FLVCR2: variants seen among roughly 807,000 people sequenced by gnomAD.
FLVCR2 encodes the protein choline/ethanolamine transporter FLVCR2.
Under a neutral mutation model 48.9 loss-of-function variants are expected in FLVCR2, and 38 were observed. The ratio of observed to expected loss-of-function variants is 0.78; its 90% CI spans 0.60 to 1.02. FLVCR2 has a LOEUF of 1.02. Among genes scored for constraint, FLVCR2 ranks in the 50% least tolerant of loss-of-function variants. FLVCR2 has a pLI of 0.00. For missense variants in FLVCR2, 664 were observed against 663.3 expected (o/e 1.00, Z -0.01); for synonymous variants, 255 against 257.0 (o/e 0.99, Z 0.07).
At position 75,579,247 on chromosome 14, in the gene FLVCR2, G is replaced by A. The variant is rs766229026; in HGVS notation, c.275G>A (p.Ser92Asn). Residue 92 changes from serine to asparagine, a missense_variant, in exon 1 of 10, where the codon AGC becomes AAC. By Grantham distance (46) the Ser-to-Asn change is conservative (BLOSUM62 1). Coordinates refer to ENST00000238667, the MANE Select transcript of FLVCR2 (RefSeq NM_017791.3). ...CGTTGGGCCGTGGTCCTGGTGTTTAGCTGCTACTCCATGTGCAACTCCTTT... is the reference window on the plus strand; with the variant it reads ...CGTTGGGCCGTGGTCCTGGTGTTTAACTGCTACTCCATGTGCAACTCCTTT... ...RRRWAVVLVF[S>N]CYSMCNSFQW... The A allele has an allele frequency of 1.2e-6, 2 of 1,614,214 alleles. No individual in the cohort carries two copies. The highest frequency in any genetic ancestry group is 1.7e-6 in the Non-Finnish European group (2 of 1,180,052).
chr14:75,643,018 T>C (rs10130098), intron 9 of FLVCR2, among the ~76,000 whole-genome samples: 4,696 of 152,254 alleles, frequency 0.031, 85 homozygotes, highest in African/African-American at 0.044. Flanking sequence ...CACGCCACTA[T>C]GCCTAGCTAA....
intron 1 of FLVCR2, among the ~76,000 whole-genome samples, chr14:75,581,544 A>T (rs1330479386): frequency 6.6e-6 from 1 of 152,166 alleles, no homozygotes; most frequent in Non-Finnish European, 1.5e-5. Context: ...CTGGTCCGTT[A>T]TTGGACTGTA....
At position 75,596,163 on chromosome 14, in the gene FLVCR2, T is replaced by C. The variant is rs554907803; in HGVS notation, c.669+16522T>C. 767 of 780,194 alleles carry C rather than the reference T, an allele frequency of 9.8e-4. 4 individuals are homozygous for C. Among genetic ancestry groups the C allele is most frequent in the Middle Eastern group, 9.4e-3 (26 of 2,776 alleles). 48.3% of individuals were successfully genotyped at this position (780,194 alleles called of 1,614,324 possible). ...TGTTTGTTTCCTCTGAAGTCGTCGG[T>C]TGATCATGAACTTTCTAGTGTGGAT... On this transcript the variant is annotated intron_variant, in intron 1 of 9. Coordinates refer to ENST00000238667, the MANE Select transcript of FLVCR2 (RefSeq NM_017791.3).
At position 75,583,955 on chromosome 14, in the gene FLVCR2, C is replaced by T. The variant is rs145880060; in HGVS notation, c.669+4314C>T. On this transcript the variant is annotated intron_variant, in intron 1 of 9. Transcript: ENST00000238667. ...CAGCGTCAGTCTTCAGCTGCTAAGC[C>T]GAGGAGATCTGGGAAGGAGTTGGCC... Among the ~76,000 whole-genome samples, 107 of 152,256 alleles carry T rather than the reference C, an allele frequency of 7.0e-4. 2 individuals carry two copies. In the East Asian group the frequency reaches 0.018, roughly 26 times the overall value.
rs374220271 is a variant in FLVCR2 at position 75,627,152 on chromosome 14, C to T, written c.952+2400C>T. 2.0e-5 allele frequency among the ~76,000 whole-genome samples: 3 copies of T among 152,072 alleles called. No homozygotes were observed. In the East Asian group the frequency reaches 5.8e-4, roughly 29 times the overall value. ...ACTCCTCCTCCTTCCTCTCACATGC[C>T]TGTTTGCTTACGTGGTCTTTAATCT... On this transcript the variant is annotated intron_variant, in intron 3 of 9. Coordinates refer to ENST00000238667, the MANE Select transcript of FLVCR2 (RefSeq NM_017791.3).
chr14:75,613,861 C>T (rs1889532468), intron 1 of FLVCR2, among the ~76,000 whole-genome samples: 1 of 152,142 alleles, frequency 6.6e-6, no homozygotes, highest in Non-Finnish European at 1.5e-5. Flanking sequence ...TCAACATGAG[C>T]TTTAGAGGGG....
chr14:75,624,731 G>A lies in FLVCR2; in HGVS notation c.931G>A (p.Val311Met), dbSNP rs1180750598. 1.9e-5 allele frequency: 30 copies of A among 1,613,966 alleles called. No individual in the cohort carries two copies. Among genetic ancestry groups the A allele is most frequent in the Non-Finnish European group, 2.5e-5 (30 of 1,180,024 alleles). ...IARLFKNLNF[V>M]LLVITYGLNA... ...CCGGCTCTTCAAAAATCTCAACTTT[G>A]TGCTGCTTGTCATCACCTATGGTAA... The change falls in exon 3 of 10, where the codon GTG (valine) becomes ATG (methionine). Residue 311 changes from valine to methionine, a missense_variant. Transcript: ENST00000238667.
At chr14:75,633,807 G>C (rs2140048038) in intron 4 of FLVCR2, 111 bp downstream of exon 4, 1 of 848,936 alleles carries the variant, frequency 1.2e-6, no homozygotes, top group Non-Finnish European at 2.0e-6. Flanking sequence ...TTCTAGGTAG[G>C]GTGATATGGT....
chr14:75,581,302 A>G (rs1234325195), intron 1 of FLVCR2, among the ~76,000 whole-genome samples: 1 of 152,246 alleles, frequency 6.6e-6, no homozygotes, highest in African/African-American at 2.4e-5. Flanking sequence ...GAGAGTGTCC[A>G]AAGGGGTCCA....
rs540736502 is a variant in FLVCR2 at position 75,621,088 on chromosome 14, T to G, written c.670-991T>G. Among the ~76,000 whole-genome samples the G allele has an allele frequency of 2.4e-4, 37 of 152,334 alleles. No individual in the cohort carries two copies. In the South Asian group the frequency reaches 7.2e-3, roughly 30 times the overall value. On this transcript the variant is annotated intron_variant, in intron 1 of 9. Transcript: ENST00000238667. The stretch of plus-strand genomic sequence containing the variant: ...AGTCAGTACTGAAGCCAAGCCTTTC[T>G]GACCTCGGAAACACCCAAGTCATGT...
chr14:75,611,209 C>T (rs1889435953), intron 1 of FLVCR2, among the ~76,000 whole-genome samples: 1 of 152,094 alleles, frequency 6.6e-6, no homozygotes, highest in African/African-American at 2.4e-5. Flanking sequence ...TAGCTGGAGA[C>T]ACCTCTCACC....
intron 3 of FLVCR2, among the ~76,000 whole-genome samples, chr14:75,630,546 G>A (rs530822899): frequency 6.5e-4 from 99 of 152,188 alleles, no homozygotes; most frequent in African/African-American, 2.3e-3. Context: ...AGTAGTCACC[G>A]GAACACAGTT....
intron 1 of FLVCR2, among the ~76,000 whole-genome samples, chr14:75,611,501 C>T (rs895974828): frequency 2.0e-5 from 3 of 152,028 alleles, no homozygotes; most frequent in Non-Finnish European, 2.9e-5. Flanking sequence ...TTTGGGAGGC[C>T]GAGGCAGGTG....
At chr14:75,632,377 G>C (rs1042429803) in intron 3 of FLVCR2, among the ~76,000 whole-genome samples, 28 of 152,050 alleles carry the variant, frequency 1.8e-4, no homozygotes, top group African/African-American at 6.8e-4. Flanking sequence ...TGGACAGAGA[G>C]ACCTATTCAT....
chr14:75,596,377 G>C (rs2140013337), intron 1 of FLVCR2, among the ~76,000 whole-genome samples: 1 of 152,256 alleles, frequency 6.6e-6, no homozygotes, highest in Middle Eastern at 3.4e-3. Flanking sequence ...ATGGTTATGG[G>C]GGCCAGCCAG....
At chr14:75,634,879 C>G (rs201575923) in intron 4 of FLVCR2, 31 bp from the exon 5 acceptor site, 2 of 1,490,078 alleles carry the variant, frequency 1.3e-6, no homozygotes, top group Non-Finnish European at 1.9e-6. Context: ...GTCCCATCGC[C>G]GGGTGATCTT....
intron 1 of FLVCR2, among the ~76,000 whole-genome samples, chr14:75,612,836 C>T (rs1245910012): frequency 2.6e-5 from 4 of 152,210 alleles, no homozygotes; most frequent in Non-Finnish European, 4.4e-5. Context: ...AGGTAGCTTG[C>T]CTGGCAGAGT....
In FLVCR2 at chr14:75,624,663, A is replaced by G. The variant is rs779372723; in HGVS notation, c.863A>G (p.Tyr288Cys). The G allele has an allele frequency of 6.2e-7, 1 of 1,614,134 alleles. No individual in the cohort carries two copies. Among genetic ancestry groups the G allele is most frequent in the Non-Finnish European group, 8.5e-7 (1 of 1,180,028 alleles). ...YPPSRAQSLS[Y>C]ALTSPDASYL... ...CCCAGCAGGGCCCAATCCCTGAGCT[A>G]TGCCTTGACCTCTCCTGATGCCTCA... Residue 288 changes from tyrosine to cysteine, a missense_variant, in exon 3 of 10, where the codon TAT becomes TGT. Coordinates refer to ENST00000238667, the MANE Select transcript of FLVCR2 (RefSeq NM_017791.3).
intron 5 of FLVCR2, 83 bp from the exon 6 acceptor site, chr14:75,639,268 TA>T (rs1424094144): frequency 2.4e-5 from 21 of 888,672 alleles, no homozygotes; most frequent in Admixed American, 9.5e-5. Flanking sequence ...GGCAGATACT[TA>T]ATAGATGCTT....
Sources: allele counts gnomAD v4.1 joint callset (sites outside exome capture counted in the v4.1 genomes callset), GRCh38; gene constraint gnomAD v4.1.1; transcripts MANE v1.5; gene names NCBI Gene and HGNC (gene_info 2026-07-23, HGNC 2026-07-21).